Variants in MYRFL observed in about 807,000 individuals in gnomAD.
The protein encoded by MYRFL is myelin regulatory factor like.
Under a neutral mutation model 109.4 loss-of-function variants are expected in MYRFL, and 88 were observed. That is an observed-to-expected ratio of 0.80 (90% CI 0.68 to 0.96). The LOEUF is 0.96. Ranked by LOEUF, MYRFL falls within the 40% of genes least tolerant of loss-of-function variation. The probability of loss-of-function intolerance (pLI) is 0.00; values close to 1 mark genes in which losing one functional copy is unlikely to be tolerated. For missense variants in MYRFL, 957 were observed against 954.9 expected (o/e 1.00, Z -0.03); for synonymous variants, 324 against 320.9 (o/e 1.01, Z -0.10).
chr12:69,945,150 A>G (rs1955795541), intron 19 of MYRFL, among the ~76,000 whole-genome samples: 1 of 152,168 alleles, frequency 6.6e-6, no homozygotes, highest in African/African-American at 2.4e-5. Context: ...ATAAAGTAAA[A>G]AAGTTATAGC....
At chr12:69,950,111 A>AT (rs34982566) in intron 19 of MYRFL, among the ~76,000 whole-genome samples, 19,816 of 150,208 alleles carry the variant, frequency 0.13, 1,588 homozygotes, top group Non-Finnish European at 0.18. Flanking sequence ...AGCATGCTCA[A>AT]TTTTTTTTTT....
chr12:69,956,627 G>A (rs149643896), intron 22 of MYRFL, among the ~76,000 whole-genome samples: 1 of 151,016 alleles, frequency 6.6e-6, no homozygotes, highest in East Asian at 2.0e-4. Context: ...TGCTTGCCCA[G>A]CTCTGTTTTC....
intron 1 of MYRFL, among the ~76,000 whole-genome samples, chr12:69,834,339 A>G (rs1050299099): frequency 4.6e-5 from 7 of 152,222 alleles, no homozygotes; most frequent in African/African-American, 1.7e-4. Context: ...TCGTAGGGTT[A>G]AAGCTACCAA....
At chr12:69,839,386 AT>A (rs1180613128) in intron 1 of MYRFL, among the ~76,000 whole-genome samples, 4 of 152,198 alleles carry the variant, frequency 2.6e-5, no homozygotes, top group Non-Finnish European at 5.9e-5. Flanking sequence ...AAATGCTAAT[AT>A]TTGCTGAAGT....
intron 19 of MYRFL, among the ~76,000 whole-genome samples, chr12:69,950,403 A>C (rs558083317): frequency 6.6e-6 from 1 of 152,208 alleles, no homozygotes; most frequent in African/African-American, 2.4e-5. Flanking sequence ...TCTATGAAAC[A>C]GTCCATCTCC....
Position 69,926,739 on chromosome 12 carries a change from G to A in MYRFL, c.1766+5G>A, listed in dbSNP as rs956110395. The A allele has an allele frequency of 2.1e-6, 3 of 1,441,146 alleles. No individual in the cohort carries two copies. The highest frequency in any genetic ancestry group is 1.4e-5 in the African/African-American group (1 of 70,556). 89.3% of individuals were successfully genotyped at this position (1,441,146 alleles called of 1,614,324 possible). On this transcript the variant is annotated splice_donor_5th_base_variant and intron_variant, in intron 14 of 24. Transcript: ENST00000552032. ...CAGTGAAGCAAGCACAATCAGGTAC[G>A]TGCAGCCAGGATTGCCATAGAAATT...
At chr12:69,921,111 T>C (rs535790023) in intron 13 of MYRFL, among the ~76,000 whole-genome samples, 71 of 152,274 alleles carry the variant, frequency 4.7e-4, no homozygotes, top group Middle Eastern at 3.4e-3. Context: ...GAGTAATTAA[T>C]TGGGTTCAAT....
rs953996348 is a variant in MYRFL at position 69,855,490 on chromosome 12, A to G, written c.137+120A>G. On this transcript the variant is annotated intron_variant, in intron 2 of 24. Transcript: ENST00000552032. The stretch of plus-strand genomic sequence containing the variant: ...AAATAACTTGGGTAGAGTTGACATT[A>G]TTATGTCTATGGATCTTTGACAAAT... 4 of 595,298 alleles carry G rather than the reference A, an allele frequency of 6.7e-6. No homozygotes were observed. The South Asian group carries it at 8.3e-5, about 12-fold the overall frequency. The allele number at this position is 595,298 out of a possible 1,614,324, so 36.9% of individuals were successfully genotyped here. A position where few individuals can be genotyped will look rare whatever the true frequency, so the allele number is the denominator to read the frequency against.
rs201434438 is a variant in MYRFL at position 69,842,446 on chromosome 12, AC to A, written c.47-12833del. On this transcript the variant is annotated intron_variant, in intron 1 of 24. Coordinates refer to ENST00000552032, the MANE Select transcript of MYRFL (RefSeq NM_182530.3). The stretch of plus-strand genomic sequence containing the variant: ...ATTTATTGAATAGCTATAATATTCT[AC>A]ATCCTGTTCTGGATGCTTAGGATTT... Among the ~76,000 whole-genome samples the A allele has an allele frequency of 9.6e-3, 1,302 of 135,888 alleles. 17 individuals carry two copies. Among genetic ancestry groups the A allele is most frequent in the African/African-American group, 0.031 (1,228 of 39,324 alleles). 89.1% of individuals were successfully genotyped at this position (135,888 alleles called of 152,430 possible). A position where few individuals can be genotyped will look rare whatever the true frequency, so the allele number is the denominator to read the frequency against.
Position 69,958,630 on chromosome 12 carries a change from A to ACATCAT in MYRFL, c.*102_*103insCATCAT. 1.1e-6 allele frequency: 1 copy of ACATCAT among 889,782 alleles called. No individual in the cohort carries two copies. The highest frequency in any genetic ancestry group is 1.7e-5 in the South Asian group (1 of 58,388). 55.1% of individuals were successfully genotyped at this position (889,782 alleles called of 1,614,324 possible). On this transcript the variant is annotated 3_prime_UTR_variant, in exon 25 of 25. Transcript: ENST00000552032. ...CAACTTCTTTTTTCTTCTTTGTAAA[A>ACATCAT]CATTTACGTTTATTGCTGAAGGACT...
At chr12:69,929,087 T>TATCA (rs1339057725) in intron 15 of MYRFL, among the ~76,000 whole-genome samples, 7 of 152,172 alleles carry the variant, frequency 4.6e-5, no homozygotes, top group Non-Finnish European at 8.8e-5. Context: ...AAGAAACGTT[T>TATCA]ATCAAATGAA....
At chr12:69,849,398 G>A (rs1883750753) in intron 1 of MYRFL, among the ~76,000 whole-genome samples, 1 of 152,164 alleles carries the variant, frequency 6.6e-6, no homozygotes, top group African/African-American at 2.4e-5. Context: ...TCATTTGACA[G>A]CATTTTATTT....
intron 1 of MYRFL, among the ~76,000 whole-genome samples, chr12:69,827,732 G>T (rs2136312010): frequency 6.6e-6 from 1 of 152,110 alleles, no homozygotes; most frequent in South Asian, 2.1e-4. Context: ...TATTAAAAAT[G>T]ATGACAAGGA....
intron 13 of MYRFL, among the ~76,000 whole-genome samples, chr12:69,922,839 G>T (rs1299578599): frequency 6.6e-6 from 1 of 152,098 alleles, no homozygotes; most frequent in African/African-American, 2.4e-5. Context: ...AGACATTGAG[G>T]ATTATTGCCT....
chr12:69,920,911 C>T (rs2120426172), intron 13 of MYRFL, among the ~76,000 whole-genome samples: 1 of 152,314 alleles, frequency 6.6e-6, no homozygotes, highest in South Asian at 2.1e-4. Context: ...ACCCTAACTC[C>T]ATAGCAAGTC....
chr12:69,943,114 A>G (rs1325891948), intron 19 of MYRFL, among the ~76,000 whole-genome samples: 1 of 151,664 alleles, frequency 6.6e-6, no homozygotes, highest in East Asian at 1.9e-4. Flanking sequence ...TGCCCAGGGT[A>G]ATTTACAGAT....
At chr12:69,871,487 C>A (rs1403257685) in intron 2 of MYRFL, among the ~76,000 whole-genome samples, 3 of 152,138 alleles carry the variant, frequency 2.0e-5, no homozygotes, top group Non-Finnish European at 2.9e-5. Context: ...CCACCTTGGC[C>A]TCCCAAAGTG....
At chr12:69,835,041 G>T (rs1592678045) in intron 1 of MYRFL, among the ~76,000 whole-genome samples, 1 of 152,212 alleles carries the variant, frequency 6.6e-6, no homozygotes, top group East Asian at 1.9e-4. Context: ...TAGTAAATCT[G>T]TAAGAAGTTC....
chr12:69,921,638 C>G (rs1954918043), intron 13 of MYRFL, among the ~76,000 whole-genome samples: 1 of 152,164 alleles, frequency 6.6e-6, no homozygotes, highest in African/African-American at 2.4e-5. Context: ...TCCATAAAGT[C>G]AGAGCCAGCC....
Sources: allele counts gnomAD v4.1 joint callset (sites outside exome capture counted in the v4.1 genomes callset), GRCh38; gene constraint gnomAD v4.1.1; transcripts MANE v1.5; gene names NCBI Gene and HGNC (gene_info 2026-07-23, HGNC 2026-07-21).